OLAH: variants seen among roughly 807,000 people sequenced by gnomAD.
OLAH encodes S-acyl fatty acid synthase thioesterase, medium chain.
A neutral mutation model predicts 27.8 loss-of-function variants in OLAH; 33 were observed. The observed-to-expected ratio is 1.19, with a 90% CI of 0.90 to 1.59. The LOEUF (loss-of-function observed/expected upper bound fraction) is 1.59. OLAH is among the 40% of genes most tolerant of loss of function. The pLI, the probability that OLAH is intolerant of heterozygous loss-of-function variation, is 0.00. For missense variants in OLAH, 359 were observed against 310.8 expected (o/e 1.16, Z -1.17); for synonymous variants, 120 against 102.9 (o/e 1.17, Z -1.01).
At chr10:15,049,815 T>C in intron 3 of OLAH, 50 bp downstream of exon 3, 2 of 1,543,658 alleles carry the variant, frequency 1.3e-6, no homozygotes, top group Middle Eastern at 3.4e-4. Context: ...GCAGATGACA[T>C]AAATGTATTA....
At chr10:15,056,820 G>C (rs755216092) in intron 3 of OLAH, 1 of 1,478,378 alleles carries the variant, frequency 6.8e-7, no homozygotes, top group South Asian at 1.3e-5. Context: ...TTATTTTTTT[G>C]TAGAGACAGC....
intron 4 of OLAH, among the ~76,000 whole-genome samples, chr10:15,062,651 A>G (rs544062685): frequency 1.1e-3 from 164 of 151,696 alleles, no homozygotes; most frequent in Non-Finnish European, 1.8e-3. Flanking sequence ...GTAAGTATAC[A>G]TTGCTTCATG....
chr10:15,073,117 A>C lies in OLAH; in HGVS notation c.686A>C (p.Lys229Thr). ...AWKDVTSGNA[K>T]IYQLPGGHFY... Reference sequence around the variant, plus strand: ...AAAGATGTAACCAGTGGAAATGCTAAAATTTACCAGCTTCCAGGGGGTCAC... The same window carrying C: ...AAAGATGTAACCAGTGGAAATGCTACAATTTACCAGCTTCCAGGGGGTCAC... The change falls in exon 8 of 8, where the codon AAA becomes ACA. Residue 229 changes from lysine to threonine, a missense_variant. Lys to Thr is a moderately conservative substitution (Grantham distance 78, BLOSUM62 -1). Coordinates refer to ENST00000378228, the MANE Select transcript of OLAH (RefSeq NM_001039702.3). 6.2e-7 allele frequency: 1 copy of C among 1,613,542 alleles called. No individual in the cohort carries two copies.
chr10:15,057,052 T>C, intron 3 of OLAH: 3 of 1,293,580 alleles, frequency 2.3e-6, no homozygotes, highest in Non-Finnish European at 3.0e-6. Context: ...GTCTTCTGAC[T>C]CACAGAAGCT....
chr10:15,036,994 G>T (rs969303939), intron 1 of OLAH, among the ~76,000 whole-genome samples: 1 of 151,552 alleles, frequency 6.6e-6, no homozygotes, highest in Non-Finnish European at 1.5e-5. Context: ...CAGGAGAATC[G>T]CTTGAACCTG....
rs527558128 is a variant in OLAH, at chr10:15,058,759, A to G, written c.164-2965A>G. 1.7e-3 allele frequency among the ~76,000 whole-genome samples: 256 copies of G among 152,230 alleles called. 4 individuals are homozygous for G. The highest frequency in any genetic ancestry group is 3.0e-3 in the Non-Finnish European group (205 of 68,014). ...GTTCCTTTAATATTTATTTTAGTGC[A>G]AGTCTGCTGGCATTGAATTCTCGTG... On this transcript the variant is annotated intron_variant, in intron 3 of 7. Coordinates refer to ENST00000378228, the MANE Select transcript of OLAH (RefSeq NM_001039702.3).
intron 1 of OLAH, among the ~76,000 whole-genome samples, chr10:15,046,514 C>T (rs1364926665): frequency 6.6e-6 from 1 of 151,842 alleles, no homozygotes; most frequent in East Asian, 1.9e-4. Context: ...GTCACCCAGG[C>T]TGGAGTGCAG....
At chr10:15,069,373 G>A (rs1423403067) in intron 6 of OLAH, among the ~76,000 whole-genome samples, 1 of 152,166 alleles carries the variant, frequency 6.6e-6, no homozygotes, top group Admixed American at 6.5e-5. Flanking sequence ...GGCTTCACCT[G>A]CACCCTGGTG....
chr10:15,069,137 G>C (rs1363220564), intron 6 of OLAH, among the ~76,000 whole-genome samples: 3 of 152,148 alleles, frequency 2.0e-5, no homozygotes, highest in African/African-American at 4.8e-5. Flanking sequence ...ATGAATTCTA[G>C]GTAGCGTCCC....
chr10:15,045,859 C>G (rs1309943692), intron 1 of OLAH, among the ~76,000 whole-genome samples: 1 of 150,740 alleles, frequency 6.6e-6, no homozygotes, highest in Non-Finnish European at 1.5e-5. Flanking sequence ...GTGAAACCCC[C>G]GTCTCTACTA....
intron 6 of OLAH, among the ~76,000 whole-genome samples, chr10:15,068,702 T>A (rs1844519689): frequency 6.6e-6 from 1 of 152,088 alleles, no homozygotes; most frequent in Admixed American, 6.6e-5. Flanking sequence ...AGTGATAATT[T>A]TATAAAATCA....
upstream of OLAH, among the ~76,000 whole-genome samples, chr10:15,043,361 G>A (rs78046711): frequency 4.3e-3 from 651 of 151,996 alleles, 7 homozygotes; most frequent in South Asian, 0.024. Context: ...ATAAGGCCAG[G>A]TATCACTCTT....
intron 6 of OLAH, among the ~76,000 whole-genome samples, chr10:15,067,224 G>T (rs1844486306): frequency 6.6e-6 from 1 of 152,106 alleles, no homozygotes; most frequent in Non-Finnish European, 1.5e-5. Context: ...TGCAATCATG[G>T]ATGCAAAAGC....
At chr10:15,034,992 G>C (rs1225730136) in intron 1 of OLAH, among the ~76,000 whole-genome samples, 1 of 152,006 alleles carries the variant, frequency 6.6e-6, no homozygotes, top group Non-Finnish European at 1.5e-5. Flanking sequence ...AGTAGAGACA[G>C]GGTTTCGCCA....
At chr10:15,053,889 T>C (rs905746030) in intron 3 of OLAH, among the ~76,000 whole-genome samples, 2 of 151,988 alleles carry the variant, frequency 1.3e-5, no homozygotes, top group Admixed American at 6.6e-5. Context: ...TAATTTCTTT[T>C]TTCATATTTT....
chr10:15,045,579 CA>C (rs1564526692), intron 1 of OLAH, among the ~76,000 whole-genome samples: 1 of 152,192 alleles, frequency 6.6e-6, no homozygotes, highest in African/African-American at 2.4e-5. Context: ...ATGGGCTCCC[CA>C]CCCTCTGTAA....
chr10:15,057,108 A>G (rs78039129), intron 3 of OLAH: 1 of 1,166,706 alleles, frequency 8.6e-7, no homozygotes, highest in Non-Finnish European at 1.1e-6. Context: ...TTTAAACTTT[A>G]TGCTTTTTAT....
At chr10:15,038,055 A>G (rs1843868679) in intron 1 of OLAH, among the ~76,000 whole-genome samples, 1 of 152,240 alleles carries the variant, frequency 6.6e-6, no homozygotes, top group African/African-American at 2.4e-5. Flanking sequence ...TGTGACCCAG[A>G]TGCAAGACAT....
intron 1 of OLAH, chr10:15,038,721 A>C (rs1051112972): frequency 4.6e-5 from 7 of 152,142 alleles, no homozygotes; most frequent in African/African-American, 1.7e-4. Flanking sequence ...TAAATTACCC[A>C]GTCTCGGGTA....
Sources: gnomAD v4.1 joint callset for allele counts (sites outside exome capture counted in the v4.1 genomes callset) on GRCh38, gnomAD v4.1.1 for gene constraint, MANE v1.5 for transcripts, NCBI Gene and HGNC (gene_info 2026-07-23, HGNC 2026-07-21) for gene names.